PLA1A: variants seen among roughly 807,000 people sequenced by gnomAD.
PLA1A encodes the protein phosphatidylserine-specific phospholipase A1alpha.
In PLA1A, 47 loss-of-function variants were observed where a neutral mutation model predicts 49.4. The ratio of observed to expected loss-of-function variants is 0.95; its 90% CI spans 0.75 to 1.21. The LOEUF (loss-of-function observed/expected upper bound fraction) is 1.21. Among genes scored for constraint, PLA1A ranks in the 50% most tolerant of loss-of-function variants. PLA1A has a pLI of 0.00. For missense variants in PLA1A, 561 were observed against 563.9 expected, an observed-to-expected ratio of 0.99 and a Z score of 0.05; for synonymous variants, 224 against 207.9, an observed-to-expected ratio of 1.08 and a Z score of -0.67.
At chr3:119,612,544 A>G (rs1393800763) in intron 4 of PLA1A, among the ~76,000 whole-genome samples, 2 of 151,780 alleles carry the variant, frequency 1.3e-5, no homozygotes, top group East Asian at 3.9e-4. Flanking sequence ...GCTGGAGTGC[A>G]GTGGCGCGAT....
chr3:119,613,184 C>A, intron 5 of PLA1A, 66 bp downstream of exon 5: 1 of 1,082,256 alleles, frequency 9.2e-7, no homozygotes, highest in Middle Eastern at 2.6e-4. Flanking sequence ...AGGCTGGCAT[C>A]TAGCTCTGTG....
At chr3:119,601,207 A>G (rs1447717359) in intron 1 of PLA1A, among the ~76,000 whole-genome samples, 2 of 152,238 alleles carry the variant, frequency 1.3e-5, no homozygotes, top group East Asian at 3.8e-4. Context: ...CTACGAAACA[A>G]AAGCCCATGG....
Position 119,625,290 on chromosome 3 carries a change from T to C in PLA1A, c.1121+58T>C, listed in dbSNP as rs1577156365. 5.5e-6 allele frequency: 6 copies of C among 1,098,504 alleles called. No individual in the cohort carries two copies. In the East Asian group the frequency reaches 1.4e-4, roughly 26 times the overall value. The allele number at this position is 1,098,504 out of a possible 1,614,324, so 68.0% of individuals were successfully genotyped here. On this transcript the variant is annotated intron_variant, in intron 9 of 10. Coordinates refer to ENST00000273371, the MANE Select transcript of PLA1A (RefSeq NM_015900.4). Reference sequence around the variant, plus strand: ...CCTTAGGAGTTGGTTACTTTTTCATTTTACACACATGGACATCCCAGGTCA... The same window carrying C: ...CCTTAGGAGTTGGTTACTTTTTCATCTTACACACATGGACATCCCAGGTCA...
At chr3:119,626,758 C>T (rs1210668807) in intron 9 of PLA1A, among the ~76,000 whole-genome samples, 1 of 152,192 alleles carries the variant, frequency 6.6e-6, no homozygotes, top group African/African-American at 2.4e-5. Flanking sequence ...TGGCCACTAG[C>T]TGGTGTTCCT....
rs1202782429 is a variant in PLA1A, at chr3:119,616,010, A to T, written c.665-2A>T. Reference sequence around the variant, plus strand: ...AGTTAATGGAGTTGTGCCTCCTTTCAGATTTGGGTATTCGGATTCCCGTTG... The same window carrying T: ...AGTTAATGGAGTTGTGCCTCCTTTCTGATTTGGGTATTCGGATTCCCGTTG... On this transcript the variant is annotated splice_acceptor_variant, in intron 5 of 10. Transcript: ENST00000273371. LOFTEE classifies it high-confidence loss of function. 1 of 1,604,932 alleles carries T rather than the reference A, an allele frequency of 6.2e-7. No homozygotes were observed. Among genetic ancestry groups the T allele is most frequent in the Non-Finnish European group, 8.5e-7 (1 of 1,171,854 alleles).
chr3:119,603,356 A>G (rs1374805741), intron 1 of PLA1A, among the ~76,000 whole-genome samples: 1 of 152,194 alleles, frequency 6.6e-6, no homozygotes, highest in African/African-American at 2.4e-5. Context: ...AGAACTTACC[A>G]ATTGTATGTG....
At chr3:119,600,659 A>G (rs919692268) in intron 1 of PLA1A, among the ~76,000 whole-genome samples, 5 of 152,218 alleles carry the variant, frequency 3.3e-5, no homozygotes, top group Admixed American at 3.3e-4. Flanking sequence ...TGCAGTCCTC[A>G]TCTCTACTTC....
At chr3:119,622,650 G>A (rs1203535372) in intron 8 of PLA1A, among the ~76,000 whole-genome samples, 1 of 152,136 alleles carries the variant, frequency 6.6e-6, no homozygotes, top group Non-Finnish European at 1.5e-5. Context: ...TGTGGCAAAT[G>A]AGAAAGTACA....
intron 4 of PLA1A, among the ~76,000 whole-genome samples, chr3:119,612,030 A>G (rs2082770213): frequency 6.6e-6 from 1 of 152,196 alleles, no homozygotes; most frequent in Admixed American, 6.5e-5. Context: ...AGCCACTCTC[A>G]GTTAATAAGG....
chr3:119,608,238 AAG>A (rs747988647), intron 2 of PLA1A, among the ~76,000 whole-genome samples: 1 of 80,068 alleles, frequency 1.2e-5, no homozygotes, highest in African/African-American at 4.6e-5. Flanking sequence ...GAGAGAAAGA[AAG>A]AGAGAAAGAA....
chr3:119,622,734 C>A (rs1402004871), intron 8 of PLA1A, among the ~76,000 whole-genome samples: 1 of 151,790 alleles, frequency 6.6e-6, no homozygotes, highest in Non-Finnish European at 1.5e-5. Flanking sequence ...AATTCCGAGA[C>A]TAAAGTGATT....
chr3:119,603,582 T>G (rs1168088493), intron 1 of PLA1A, among the ~76,000 whole-genome samples: 1 of 152,238 alleles, frequency 6.6e-6, no homozygotes, highest in African/African-American at 2.4e-5. Context: ...CTAATCTAAG[T>G]CTTTCCCTTC....
At chr3:119,627,361 C>G (rs1478148150) in intron 9 of PLA1A, among the ~76,000 whole-genome samples, 1 of 152,166 alleles carries the variant, frequency 6.6e-6, no homozygotes, top group African/African-American at 2.4e-5. Context: ...AAAGATTTTT[C>G]ATATTCCTTG....
In PLA1A at chr3:119,613,064, C is replaced by T. The variant is rs375025463; in HGVS notation, c.610C>T (p.Arg204Cys). ...GTACACCAGGGCCAGTGTGGAAGAG[C>T]GCTTGGATGCTGGAGATGCCCTCTT... ...PEYTRASVEE[R>C]LDAGDALFVE... Residue 204 changes from arginine (R) to cysteine (C), a missense_variant, in exon 5 of 11, where the codon CGC (arginine) becomes TGC (cysteine). Arg to Cys is a radical substitution (Grantham distance 180, BLOSUM62 -3). Coordinates refer to ENST00000273371, the MANE Select transcript of PLA1A (RefSeq NM_015900.4). 34 of 1,608,632 alleles carry T rather than the reference C, an allele frequency of 2.1e-5. No individual in the cohort carries two copies. Among genetic ancestry groups the T allele is most frequent in the South Asian group, 5.6e-5 (5 of 89,672 alleles).
chr3:119,618,731 G>A (rs1195773112), intron 7 of PLA1A, among the ~76,000 whole-genome samples: 1 of 152,060 alleles, frequency 6.6e-6, no homozygotes, highest in Non-Finnish European at 1.5e-5. Context: ...CACTTGTGTA[G>A]ATCATTGCTA....
At chr3:119,607,839 G>A (rs1439741608) in intron 2 of PLA1A, among the ~76,000 whole-genome samples, 1 of 152,144 alleles carries the variant, frequency 6.6e-6, no homozygotes, top group Non-Finnish European at 1.5e-5. Flanking sequence ...CACTCTGTCT[G>A]CTCTTAAATC....
chr3:119,614,720 G>C (rs1042378496), intron 5 of PLA1A, among the ~76,000 whole-genome samples: 1 of 151,186 alleles, frequency 6.6e-6, no homozygotes, highest in African/African-American at 2.4e-5. Context: ...CTTCAAAGTT[G>C]GAGCCTCTCC....
chr3:119,625,553 G>T (rs2052511659), intron 9 of PLA1A, among the ~76,000 whole-genome samples: 1 of 152,194 alleles, frequency 6.6e-6, no homozygotes, highest in South Asian at 2.1e-4. Flanking sequence ...AGACAGTGCG[G>T]GTATCAGGGA....
chr3:119,625,345 C>CAGCCA, intron 9 of PLA1A, 113 bp downstream of exon 9: 1 of 693,338 alleles, frequency 1.4e-6, no homozygotes, highest in East Asian at 2.8e-5. Flanking sequence ...TGCATGGGCC[C>CAGCCA]AGCCGGCTTG....
Sources: gnomAD v4.1 joint callset for allele counts (sites outside exome capture counted in the v4.1 genomes callset) on GRCh38, gnomAD v4.1.1 for gene constraint, MANE v1.5 for transcripts, NCBI Gene and HGNC (gene_info 2026-07-23, HGNC 2026-07-21) for gene names.